ARHGAP28: variants seen among roughly 807,000 people sequenced by gnomAD.
ARHGAP28 encodes the protein rho GTPase-activating protein 28.
A neutral mutation model predicts 90.7 loss-of-function variants in ARHGAP28; 56 were observed. That is an observed-to-expected ratio of 0.62 (90% CI 0.50 to 0.77). The LOEUF (loss-of-function observed/expected upper bound fraction) is 0.77, where lower values mean the gene tolerates loss of function less well. Among genes scored for constraint, ARHGAP28 ranks in the 30% least tolerant of loss-of-function variants. ARHGAP28 has a pLI of 0.00. For missense variants in ARHGAP28, 869 were observed against 900.9 expected (o/e 0.96, Z 0.45); for synonymous variants, 308 against 323.3 (o/e 0.95, Z 0.51).
At chr18:6,800,090 G>A (rs1291187404) in intron 1 of ARHGAP28, among the ~76,000 whole-genome samples, 1 of 152,100 alleles carries the variant, frequency 6.6e-6, no homozygotes, top group Admixed American at 6.6e-5. Flanking sequence ...CATTTATGTG[G>A]CCAACAAACA....
chr18:6,898,622 A>C (rs1600302339), intron 16 of ARHGAP28: 1 of 1,567,238 alleles, frequency 6.4e-7, no homozygotes. Context: ...TTGGGTATCC[A>C]GTAGACTTTT....
chr18:6,856,018 G>A (rs1274690600), intron 4 of ARHGAP28, among the ~76,000 whole-genome samples: 1 of 152,242 alleles, frequency 6.6e-6, no homozygotes, highest in African/African-American at 2.4e-5. Context: ...GCCGAGTGCA[G>A]CCTGCTGGGC....
At chr18:6,735,865 T>C (rs1293645076) in intron 1 of ARHGAP28, among the ~76,000 whole-genome samples, 3 of 152,140 alleles carry the variant, frequency 2.0e-5, no homozygotes, top group Non-Finnish European at 4.4e-5. Context: ...AGCTTATGCA[T>C]TTTCGATGAG....
At chr18:6,751,937 C>A (rs1329281121) in intron 1 of ARHGAP28, among the ~76,000 whole-genome samples, 1 of 151,954 alleles carries the variant, frequency 6.6e-6, no homozygotes, top group Non-Finnish European at 1.5e-5. Flanking sequence ...AAGTACCTTC[C>A]GTTTTTGAAG....
intron 4 of ARHGAP28, among the ~76,000 whole-genome samples, chr18:6,851,561 C>T (rs914992776): frequency 6.6e-6 from 1 of 152,156 alleles, no homozygotes; most frequent in African/African-American, 2.4e-5. Context: ...AACCGTTCTA[C>T]TCATAAGTAA....
At chr18:6,837,096 A>T in intron 2 of ARHGAP28, 101 bp from the exon 3 acceptor site, 1 of 879,834 alleles carries the variant, frequency 1.1e-6, no homozygotes, top group Non-Finnish European at 1.7e-6. Flanking sequence ...TGTAGAAAAA[A>T]AATACAAATA....
intron 1 of ARHGAP28, among the ~76,000 whole-genome samples, chr18:6,807,417 T>G (rs1282196689): frequency 1.3e-5 from 2 of 152,174 alleles, no homozygotes; most frequent in African/African-American, 4.8e-5. Context: ...GGCTGGATAC[T>G]TTTATAGTTC....
At chr18:6,770,906 TAGA>T (rs2056237647) in intron 1 of ARHGAP28, among the ~76,000 whole-genome samples, 1 of 152,216 alleles carries the variant, frequency 6.6e-6, no homozygotes, top group Non-Finnish European at 1.5e-5. Flanking sequence ...ACTCTGTTCT[TAGA>T]GATTCTTTTT....
At chr18:6,806,485 A>T (rs2056520122) in intron 1 of ARHGAP28, among the ~76,000 whole-genome samples, 1 of 152,068 alleles carries the variant, frequency 6.6e-6, no homozygotes, top group Non-Finnish European at 1.5e-5. Context: ...TATATATGCA[A>T]AGAGAATAGT....
At chr18:6,769,184 A>C (rs2056223414) in intron 1 of ARHGAP28, among the ~76,000 whole-genome samples, 1 of 151,950 alleles carries the variant, frequency 6.6e-6, no homozygotes, top group South Asian at 2.1e-4. Context: ...GATATTAGAC[A>C]CAGGACCATA....
chr18:6,755,494 G>A (rs953073039), intron 1 of ARHGAP28, among the ~76,000 whole-genome samples: 1 of 152,124 alleles, frequency 6.6e-6, no homozygotes, highest in Admixed American at 6.5e-5. Flanking sequence ...AGCTCATGAT[G>A]GTCAGAACAA....
intron 1 of ARHGAP28, among the ~76,000 whole-genome samples, chr18:6,810,106 C>T (rs554339796): frequency 4.6e-4 from 70 of 152,104 alleles, no homozygotes; most frequent in Non-Finnish European, 6.8e-4. Context: ...TGAGAAAGTT[C>T]GATATAAGTT....
chr18:6,896,517 G>A lies in ARHGAP28; in HGVS notation c.1921G>A (p.Gly641Arg). The change falls in exon 16 of 18, where the codon GGA (glycine) becomes AGA (arginine). Residue 641 changes from glycine to arginine, a missense_variant. By Grantham distance (125) the Gly-to-Arg change is moderately radical. Coordinates refer to ENST00000383472, the MANE Select transcript of ARHGAP28 (RefSeq NM_001366230.1). ...TCCTTGGCAGTCTGACGTGCCGGAA[G>A]GAGTCATACGGGTCCATGCTCCACT... ...SARRMSDVPE[G>R]VIRVHAPLLS... 9 of 1,614,082 alleles carry A rather than the reference G, an allele frequency of 5.6e-6. No individual in the cohort carries two copies. Among genetic ancestry groups the A allele is most frequent in the Non-Finnish European group, 7.6e-6 (9 of 1,179,978 alleles).
At chr18:6,796,801 T>C (rs1164538510) in intron 1 of ARHGAP28, among the ~76,000 whole-genome samples, 1 of 150,858 alleles carries the variant, frequency 6.6e-6, no homozygotes, top group African/African-American at 2.5e-5. Flanking sequence ...CTACTTGTTT[T>C]TCTTTCTCCT....
At chr18:6,903,801 T>G (rs1011624857) in intron 16 of ARHGAP28, among the ~76,000 whole-genome samples, 5 of 128,776 alleles carry the variant, frequency 3.9e-5, no homozygotes, top group African/African-American at 1.5e-4. Context: ...TGCACTCCAG[T>G]CTGGGTGACA....
At chr18:6,836,835 T>C (rs1183610031) in intron 2 of ARHGAP28, among the ~76,000 whole-genome samples, 3 of 152,210 alleles carry the variant, frequency 2.0e-5, no homozygotes, top group Non-Finnish European at 4.4e-5. Flanking sequence ...ATGTGAGTGA[T>C]TGAAAAACCA....
At chr18:6,843,347 A>C (rs1567967644) in intron 3 of ARHGAP28, among the ~76,000 whole-genome samples, 1 of 151,588 alleles carries the variant, frequency 6.6e-6, no homozygotes, top group Non-Finnish European at 1.5e-5. Context: ...CTTTGTTCTG[A>C]AAAATATTTT....
intron 1 of ARHGAP28, among the ~76,000 whole-genome samples, chr18:6,795,396 G>A (rs2056434775): frequency 6.6e-6 from 1 of 151,996 alleles, no homozygotes; most frequent in African/African-American, 2.4e-5. Flanking sequence ...CCTAGGCTGG[G>A]GAAGGGAGAG....
At chr18:6,775,556 G>T (rs555011621) in intron 1 of ARHGAP28, among the ~76,000 whole-genome samples, 1 of 152,182 alleles carries the variant, frequency 6.6e-6, no homozygotes, top group Non-Finnish European at 1.5e-5. Context: ...TTCAGGTGGT[G>T]TAAGCAAAAC....
Sources: allele counts gnomAD v4.1 joint callset (sites outside exome capture counted in the v4.1 genomes callset), GRCh38; gene constraint gnomAD v4.1.1; transcripts MANE v1.5; gene names NCBI Gene and HGNC (gene_info 2026-07-23, HGNC 2026-07-21).